The following RABEP1 variants were observed in gnomAD, a reference collection of about 807,000 sequenced individuals.
RABEP1 encodes rab GTPase-binding effector protein 1.
RABEP1 carries 51 observed loss-of-function variants against 123.4 expected under a neutral mutation model. That is an observed-to-expected ratio of 0.41 (90% CI 0.33 to 0.52). The LOEUF (loss-of-function observed/expected upper bound fraction) is 0.52. Among genes scored for constraint, RABEP1 ranks in the 20% least tolerant of loss-of-function variants. RABEP1 has a pLI of 0.16. For missense variants in RABEP1, 888 were observed against 996.3 expected (o/e 0.89, Z 1.46); for synonymous variants, 347 against 355.2 (o/e 0.98, Z 0.26).
At chr17:5,317,691 C>T (rs910601554) in intron 2 of RABEP1, among the ~76,000 whole-genome samples, 16 of 151,514 alleles carry the variant, frequency 1.1e-4, no homozygotes, top group African/African-American at 3.6e-4. Flanking sequence ...AAAGCCTTAA[C>T]AATTTTAAAG....
rs1662763133 is a variant in RABEP1 at position 5,343,161 on chromosome 17, A to T, written c.649-3629A>T. 2.6e-5 allele frequency among the ~76,000 whole-genome samples: 4 copies of T among 152,290 alleles called. No homozygotes were observed. The South Asian group carries it at 8.3e-4, about 32-fold the overall frequency. On this transcript the variant is annotated intron_variant, in intron 5 of 17. Coordinates refer to ENST00000537505, the MANE Select transcript of RABEP1 (RefSeq NM_004703.6). ...CAGCTACTTGGGGGGCTGAGGCAGGAGAATCGCTTGAACCTGGGAGGCGGA... is the reference window on the plus strand; with the variant it reads ...CAGCTACTTGGGGGGCTGAGGCAGGTGAATCGCTTGAACCTGGGAGGCGGA...
rs1910674964 is a variant in RABEP1 at position 5,373,299 on chromosome 17, C to G, written c.1885-15C>G. On this transcript the variant is annotated splice_polypyrimidine_tract_variant and intron_variant, in intron 12 of 17. Transcript: ENST00000537505. ...CTACCTTTCTGGCTGTGATTAGTAT[C>G]TACTTCTATTTTAGGCGGTGCTGAT... 6.2e-7 allele frequency: 1 copy of G among 1,608,464 alleles called. No homozygotes were observed. The highest frequency in any genetic ancestry group is 8.5e-7 in the Non-Finnish European group (1 of 1,177,576).
chr17:5,321,126 A>G (rs1465285378), intron 2 of RABEP1, among the ~76,000 whole-genome samples: 1 of 152,138 alleles, frequency 6.6e-6, no homozygotes, highest in Admixed American at 6.5e-5. Context: ...CCTGGGCAGC[A>G]AAGTGAGACC....
At chr17:5,345,576 G>A (rs946771306) in intron 5 of RABEP1, among the ~76,000 whole-genome samples, 22 of 152,070 alleles carry the variant, frequency 1.4e-4, no homozygotes, top group Admixed American at 6.6e-5. Flanking sequence ...TCTGCCATAC[G>A]GACTCTTTTA....
At chr17:5,382,779 G>T (rs1266769426) in intron 17 of RABEP1, among the ~76,000 whole-genome samples, 1 of 151,938 alleles carries the variant, frequency 6.6e-6, no homozygotes. Flanking sequence ...AGCAAGCCAG[G>T]TGTGATGGCA....
At position 5,361,325 on chromosome 17, in the gene RABEP1, G is replaced by C; in HGVS notation, c.1213G>C (p.Ala405Pro). ...NDMFKDGLRR[A>P]QSTDSLGTSG... ...CATGTTTAAAGATGGACTCAGGAGA[G>C]CACAGTCTACAGACAGCTTGGGAAC... is the stretch of plus-strand genomic sequence containing the variant. Residue 405 changes from alanine to proline, a missense_variant, in exon 9 of 18, where the codon GCA (alanine) becomes CCA (proline). Physicochemically the swap from Ala to Pro is conservative, Grantham distance 27 (BLOSUM62 -1). Transcript: ENST00000537505. The C allele has an allele frequency of 6.2e-7, 1 of 1,614,170 alleles. No individual in the cohort carries two copies. Among genetic ancestry groups the C allele is most frequent in the Non-Finnish European group, 8.5e-7 (1 of 1,180,036 alleles).
Position 5,361,486 on chromosome 17 carries a change from G to T in RABEP1, c.1374G>T (p.Gly458=). Residue 458 remains glycine (G), a synonymous_variant, in exon 9 of 18, where the codon GGG becomes GGT. Coordinates refer to ENST00000537505, the MANE Select transcript of RABEP1 (RefSeq NM_004703.6). The part of the protein sequence containing the change: ...VSENFDTASL[G]SLQMPSGFML... ...AGAACTTTGATACTGCATCCCTTGG[G>T]TCACTCCAGATGCCAAGTGGGTTTA... is the stretch of plus-strand genomic sequence containing the variant. 2 of 1,614,160 alleles carry T rather than the reference G, an allele frequency of 1.2e-6. No individual in the cohort carries two copies. Among genetic ancestry groups the T allele is most frequent in the South Asian group, 1.1e-5 (1 of 91,082 alleles).
At chr17:5,349,987 A>G (rs1212740587) in intron 6 of RABEP1, among the ~76,000 whole-genome samples, 1 of 152,022 alleles carries the variant, frequency 6.6e-6, no homozygotes, top group Non-Finnish European at 1.5e-5. Context: ...CTTTAAAGAG[A>G]TGGTGTGGGG....
intron 13 of RABEP1, among the ~76,000 whole-genome samples, chr17:5,375,813 A>C (rs932150706): frequency 6.6e-6 from 1 of 152,124 alleles, no homozygotes; most frequent in African/African-American, 2.4e-5. Context: ...TCAGGAAAGA[A>C]TCCTGTCTTC....
chr17:5,341,785 A>G lies in RABEP1; in HGVS notation c.648+3647A>G, dbSNP rs377624797. 2.0e-4 allele frequency among the ~76,000 whole-genome samples: 30 copies of G among 152,392 alleles called. 1 individual carries two copies. In the South Asian group the frequency reaches 3.9e-3, roughly 20 times the overall value. On this transcript the variant is annotated intron_variant, in intron 5 of 17. Transcript: ENST00000537505. ...TTCCCAGAAATTTATCGGAAAATCT[A>G]TCATTGCAGTGTACACGTGAAATGA...
chr17:5,325,406 GTTA>G (rs1376449190), intron 2 of RABEP1, among the ~76,000 whole-genome samples: 1 of 152,064 alleles, frequency 6.6e-6, no homozygotes, highest in African/African-American at 2.4e-5. Flanking sequence ...AAGTCATTAT[GTTA>G]AATGAAATAA....
At chr17:5,318,595 T>C (rs543687413) in intron 2 of RABEP1, among the ~76,000 whole-genome samples, 131 of 152,262 alleles carry the variant, frequency 8.6e-4, no homozygotes, top group African/African-American at 3.0e-3. Flanking sequence ...TACTGGTGAG[T>C]TCTATCTGCC....
rs769145829 is a variant in RABEP1 at position 5,346,780 on chromosome 17, C to G, written c.649-10C>G. On this transcript the variant is annotated splice_polypyrimidine_tract_variant and intron_variant, in intron 5 of 17. Coordinates refer to ENST00000537505, the MANE Select transcript of RABEP1 (RefSeq NM_004703.6). ...AAATTTCAGTTTAATGGAATTGCAT[C>G]TTCTTTCAGGTTAAAGAACTGAATC... 14 of 1,506,910 alleles carry G rather than the reference C, an allele frequency of 9.3e-6. No individual in the cohort carries two copies. The South Asian group carries it at 1.8e-4, about 20-fold the overall frequency. The allele number at this position is 1,506,910 out of a possible 1,614,324, so 93.3% of individuals were successfully genotyped here.
At chr17:5,307,492 G>A (rs1047468139) in intron 1 of RABEP1, among the ~76,000 whole-genome samples, 18 of 152,172 alleles carry the variant, frequency 1.2e-4, no homozygotes, top group African/African-American at 4.3e-4. Flanking sequence ...TAAAATTCTA[G>A]GCAAATCATC....
At chr17:5,381,735 A>T (rs1911477957) in intron 17 of RABEP1, 1 of 516,770 alleles carries the variant, frequency 1.9e-6, no homozygotes, top group South Asian at 3.5e-5. Flanking sequence ...CCTTATGAGT[A>T]AAGTACTGAC....
intron 2 of RABEP1, among the ~76,000 whole-genome samples, chr17:5,327,405 A>G (rs1347352261): frequency 2.6e-5 from 4 of 152,228 alleles, no homozygotes; most frequent in Non-Finnish European, 5.9e-5. Flanking sequence ...ATAGCTAAAC[A>G]TAGACAAGAT....
chr17:5,294,889 G>C (rs1236275546), intron 1 of RABEP1, among the ~76,000 whole-genome samples: 1 of 151,156 alleles, frequency 6.6e-6, no homozygotes, highest in Non-Finnish European at 1.5e-5. Flanking sequence ...CTTGTGATCT[G>C]CCGGCCTCGG....
At chr17:5,304,419 A>G (rs1431515277) in intron 1 of RABEP1, among the ~76,000 whole-genome samples, 1 of 151,644 alleles carries the variant, frequency 6.6e-6, no homozygotes, top group Admixed American at 6.6e-5. Context: ...GTCTCTACTA[A>G]AAATACAAAA....
intron 12 of RABEP1, 103 bp from the exon 13 acceptor site, chr17:5,373,211 C>G: frequency 9.4e-7 from 1 of 1,065,148 alleles, no homozygotes; most frequent in Non-Finnish European, 1.3e-6. Flanking sequence ...ATACCCCGTC[C>G]ATCCTCAGCA....
Sources: allele counts gnomAD v4.1 joint callset (sites outside exome capture counted in the v4.1 genomes callset), GRCh38; gene constraint gnomAD v4.1.1; transcripts MANE v1.5; gene names NCBI Gene and HGNC (gene_info 2026-07-23, HGNC 2026-07-21).